The following GPALPP1 variants were observed in gnomAD, a reference collection of about 807,000 sequenced individuals.
The protein encoded by GPALPP1 is GPALPP motifs-containing protein 1.
A neutral mutation model predicts 38.9 loss-of-function variants in GPALPP1; 30 were observed. That is an observed-to-expected ratio of 0.77 (90% CI 0.58 to 1.05). The LOEUF is 1.05. Among genes scored for constraint, GPALPP1 ranks in the 50% least tolerant of loss-of-function variants. GPALPP1 has a pLI of 0.00. For missense variants in GPALPP1, 384 were observed against 408.8 expected, an observed-to-expected ratio of 0.94 and a Z score of 0.52; for synonymous variants, 120 against 139.2, an observed-to-expected ratio of 0.86 and a Z score of 0.97.
At chr13:45,016,931 C>A (rs1355213381) in intron 6 of GPALPP1, among the ~76,000 whole-genome samples, 1 of 135,428 alleles carries the variant, frequency 7.4e-6, no homozygotes, top group Non-Finnish European at 1.5e-5. Flanking sequence ...TGTGCGCAGC[C>A]TCTCTCTAAA....
chr13:45,034,582 G>A (rs1008616024), downstream of GPALPP1: 1 of 151,988 alleles, frequency 6.6e-6, no homozygotes, highest in South Asian at 2.1e-4. Flanking sequence ...CCAGTATGGC[G>A]GGTATATTGT....
chr13:44,994,417 T>TA (rs1010489984), intron 1 of GPALPP1, among the ~76,000 whole-genome samples: 19 of 150,848 alleles, frequency 1.3e-4, no homozygotes, highest in Non-Finnish European at 1.5e-5. Flanking sequence ...CCGTCTCTAC[T>TA]AAAAAAATAC....
Position 45,015,564 on chromosome 13 carries a change from GA to G in GPALPP1, c.674del (p.Asp225ValfsTer60). On this transcript the variant is annotated frameshift_variant, in exon 6 of 8. Coordinates refer to ENST00000379151, the MANE Select transcript of GPALPP1 (RefSeq NM_018559.5). LOFTEE classifies it high-confidence loss of function. ...ATCTGGAGATCGATCAATCTGGACAGATACTCCAGCTGATAGGGAAAGGAAA... is the reference window on the plus strand; with the variant it reads ...ATCTGGAGATCGATCAATCTGGACAGTACTCCAGCTGATAGGGAAAGGAAA... ...DTSGDRSIWT[D>X]TPADRERKAK... 2.6e-5 allele frequency: 41 copies of G among 1,574,848 alleles called. No homozygotes were observed. The highest frequency in any genetic ancestry group is 3.5e-5 in the Non-Finnish European group (41 of 1,161,264).
At chr13:45,009,015 T>C in intron 4 of GPALPP1, 136 bp downstream of exon 4, 1 of 709,902 alleles carries the variant, frequency 1.4e-6, no homozygotes, top group Admixed American at 2.0e-5. Context: ...GACTCAGTTA[T>C]ATTCAGATTA....
chr13:44,990,801 C>T (rs1344214898), intron 1 of GPALPP1, among the ~76,000 whole-genome samples: 1 of 152,192 alleles, frequency 6.6e-6, no homozygotes, highest in South Asian at 2.1e-4. Flanking sequence ...AAAAATTATG[C>T]CTTCCAGCTG....
Position 45,028,031 on chromosome 13 carries a change from T to C in GPALPP1, c.*28T>C. ...AAGTATATTTCAGTGAGGTATATTT[T>C]AATACTGATCAATGTGAACTTTTCT... On this transcript the variant is annotated 3_prime_UTR_variant, in exon 8 of 8. Coordinates refer to ENST00000379151, the MANE Select transcript of GPALPP1 (RefSeq NM_018559.5). 1 of 1,131,780 alleles carries C rather than the reference T, an allele frequency of 8.8e-7. No individual in the cohort carries two copies. Among genetic ancestry groups the C allele is most frequent in the South Asian group, 1.3e-5 (1 of 77,250 alleles). The allele number at this position is 1,131,780 out of a possible 1,614,324, so 70.1% of individuals were successfully genotyped here.
At position 45,025,374 on chromosome 13, in the gene GPALPP1, A is replaced by AT. The variant is rs951578664; in HGVS notation, c.805-2403dup. Among the ~76,000 whole-genome samples the AT allele has an allele frequency of 7.9e-5, 12 of 152,046 alleles. No individual in the cohort carries two copies. The South Asian group carries it at 2.1e-3, about 26-fold the overall frequency. On this transcript the variant is annotated intron_variant, in intron 7 of 7. Coordinates refer to ENST00000379151, the MANE Select transcript of GPALPP1 (RefSeq NM_018559.5). Reference sequence around the variant, plus strand: ...TGTCAAGTCATTAGGATCTCCTTTGATTTTTTTTCCACATTGATCTTATTA... The same window carrying AT: ...TGTCAAGTCATTAGGATCTCCTTTGATTTTTTTTTCCACATTGATCTTATTA...
chr13:45,020,998 G>A (rs190338048), intron 7 of GPALPP1, among the ~76,000 whole-genome samples: 84 of 152,146 alleles, frequency 5.5e-4, no homozygotes, highest in Admixed American at 3.5e-3. Flanking sequence ...TGGAATGTTG[G>A]ATGTAAATAT....
At chr13:45,004,040 T>G (rs975124867) in intron 1 of GPALPP1, among the ~76,000 whole-genome samples, 2 of 152,124 alleles carry the variant, frequency 1.3e-5, no homozygotes, top group African/African-American at 4.8e-5. Flanking sequence ...TATTGCTATA[T>G]CTATAAGTTC....
At chr13:45,004,016 A>G (rs1207661425) in intron 1 of GPALPP1, among the ~76,000 whole-genome samples, 2 of 152,056 alleles carry the variant, frequency 1.3e-5, no homozygotes, top group Non-Finnish European at 2.9e-5. Context: ...CACATTATCA[A>G]GGAAATTACA....
chr13:45,027,929 A>G lies in GPALPP1; in HGVS notation c.949A>G (p.Lys317Glu), dbSNP rs372113948. 15 of 1,611,620 alleles carry G rather than the reference A, an allele frequency of 9.3e-6. No homozygotes were observed. In the African/African-American group the frequency reaches 2.0e-4, roughly 21 times the overall value. Residue 317 changes from lysine (K) to glutamate (E), a missense_variant, in exon 8 of 8, where the codon AAA (lysine) becomes GAA (glutamate). By Grantham distance (56) the Lys-to-Glu change is moderately conservative. Coordinates refer to ENST00000379151, the MANE Select transcript of GPALPP1 (RefSeq NM_018559.5). The stretch of plus-strand genomic sequence containing the variant: ...GGTTAATCGGTTTGATGAAGCTCAG[A>G]AAAAAGCCCTAATAAAAAAATCTAG... ...LKVNRFDEAQ[K>E]KALIKKSREL...
chr13:44,995,983 T>C (rs991545917), intron 1 of GPALPP1, among the ~76,000 whole-genome samples: 3 of 152,158 alleles, frequency 2.0e-5, no homozygotes, highest in African/African-American at 7.2e-5. Flanking sequence ...GTCCTAAGCC[T>C]CTGTAATCCC....
rs1051193007 is a variant in GPALPP1 at position 45,004,416 on chromosome 13, A to G, written c.200A>G (p.Asp67Gly). 1.2e-6 allele frequency: 2 copies of G among 1,610,362 alleles called. No individual in the cohort carries two copies. Among genetic ancestry groups the G allele is most frequent in the African/African-American group, 1.3e-5 (1 of 74,874 alleles). Residue 67 changes from aspartate (D) to glycine (G), a missense_variant, in exon 2 of 8, where the codon GAT becomes GGT. By Grantham distance (94) the Asp-to-Gly change is moderately conservative. Transcript: ENST00000379151. ...YEEGNQESEE[D>G]DSGPTARKQR... Reference sequence around the variant, plus strand: ...GAAGGAAATCAAGAATCTGAAGAAGATGACAGTGGTCCAACTGCAAGGTCA... The same window carrying G: ...GAAGGAAATCAAGAATCTGAAGAAGGTGACAGTGGTCCAACTGCAAGGTCA...
chr13:45,034,726 C>CTTTTTTTTTTTTTTATTT (rs1876343144), downstream of GPALPP1: 1 of 135,378 alleles, frequency 7.4e-6, no homozygotes, highest in South Asian at 2.3e-4. Context: ...ATTTTTATTT[C>CTTTTTTTTTTTTTTATTT]TTTTTTTTTT....
chr13:45,025,560 G>A (rs1469802996), intron 7 of GPALPP1, among the ~76,000 whole-genome samples: 1 of 151,898 alleles, frequency 6.6e-6, no homozygotes, highest in African/African-American at 2.4e-5. Flanking sequence ...TAAATCCTGT[G>A]TATTCATTAG....
intron 6 of GPALPP1, among the ~76,000 whole-genome samples, chr13:45,019,443 C>T (rs548743690): frequency 4.9e-4 from 74 of 152,042 alleles, no homozygotes; most frequent in African/African-American, 1.7e-3. Context: ...CTACCACGCC[C>T]GGCCTCTTGC....
intron 1 of GPALPP1, among the ~76,000 whole-genome samples, chr13:44,994,156 T>C (rs1873068987): frequency 7.2e-6 from 1 of 138,492 alleles, no homozygotes; most frequent in Non-Finnish European, 1.5e-5. Context: ...AGTTGGAGGT[T>C]GTAGTAAGCT....
At chr13:45,035,882 T>G (rs1876388232) in exon 8 of GPALPP1, 1 of 152,186 alleles carries the variant, frequency 6.6e-6, no homozygotes, top group Admixed American at 6.5e-5. Context: ...ACTGCATTTA[T>G]GGGCAGACAA....
In GPALPP1 at chr13:44,992,838, G is replaced by A. The variant is rs117123967; in HGVS notation, c.88+3096G>A. Among the ~76,000 whole-genome samples, 597 of 152,196 alleles carry A rather than the reference G, an allele frequency of 3.9e-3. 3 individuals are homozygous for A. The highest frequency in any genetic ancestry group is 6.7e-3 in the Non-Finnish European group (456 of 68,012). On this transcript the variant is annotated intron_variant, in intron 1 of 7. Coordinates refer to ENST00000379151, the MANE Select transcript of GPALPP1 (RefSeq NM_018559.5). ...TAACCATTTGTAAGCATATAGGTCA[G>A]TGGCACTTAGGTACAGTCACATTGT...
Sources: gnomAD v4.1 joint callset for allele counts (sites outside exome capture counted in the v4.1 genomes callset) on GRCh38, gnomAD v4.1.1 for gene constraint, MANE v1.5 for transcripts, NCBI Gene and HGNC (gene_info 2026-07-23, HGNC 2026-07-21) for gene names.